The following LRRC4C variants were observed in gnomAD, a reference collection of about 807,000 sequenced individuals.
LRRC4C encodes the protein leucine rich repeat containing 4C, also known as leucine-rich repeat-containing protein 4C.
Under a neutral mutation model 33.6 loss-of-function variants are expected in LRRC4C, and 5 were observed. The observed-to-expected ratio is 0.15, with a 90% CI of 0.08 to 0.31. The LOEUF is 0.31. Ranked by LOEUF, LRRC4C falls within the 10% of genes least tolerant of loss-of-function variation. The pLI is 1.00. For missense variants in LRRC4C, 560 were observed against 796.7 expected (o/e 0.70, Z 3.58); for synonymous variants, 329 against 302.0 (o/e 1.09, Z -0.93).
chr11:41,258,076 G>A (rs1948860299), intron 1 of LRRC4C, among the ~76,000 whole-genome samples: 1 of 151,880 alleles, frequency 6.6e-6, no homozygotes, highest in South Asian at 2.1e-4. Flanking sequence ...GACTGAATGA[G>A]TCAGTATACA....
chr11:41,299,887 C>G (rs573818047), intron 1 of LRRC4C, among the ~76,000 whole-genome samples: 32 of 152,002 alleles, frequency 2.1e-4, no homozygotes, highest in African/African-American at 7.7e-4. Context: ...TTTACTGGAC[C>G]AAAATAAACA....
chr11:40,541,922 C>A (rs1211199947), intron 3 of LRRC4C, among the ~76,000 whole-genome samples: 1 of 152,126 alleles, frequency 6.6e-6, no homozygotes, highest in African/African-American at 2.4e-5. Context: ...AAACCTAAAT[C>A]TTCTGCCCAG....
intron 1 of LRRC4C, among the ~76,000 whole-genome samples, chr11:40,960,791 G>A (rs1483980158): frequency 6.6e-6 from 1 of 151,710 alleles, no homozygotes; most frequent in Non-Finnish European, 1.5e-5. Flanking sequence ...AGAAAGAGAA[G>A]GGGAGTTTGC....
At chr11:40,218,618 G>GATCTATCTATCTATCTATC (rs1554977102) in intron 5 of LRRC4C, among the ~76,000 whole-genome samples, 28 of 141,886 alleles carry the variant, frequency 2.0e-4, no homozygotes, top group Admixed American at 2.8e-4. Flanking sequence ...ATGTATGTAT[G>GATCTATCTATCTATCTATC]TATGTATGTA....
At chr11:41,006,851 A>G (rs1854789926) in intron 1 of LRRC4C, among the ~76,000 whole-genome samples, 1 of 152,162 alleles carries the variant, frequency 6.6e-6, no homozygotes, top group Non-Finnish European at 1.5e-5. Flanking sequence ...ACAGTATTTA[A>G]CATCCAGAAT....
chr11:40,719,478 T>A (rs1946900334), intron 2 of LRRC4C, among the ~76,000 whole-genome samples: 1 of 152,056 alleles, frequency 6.6e-6, no homozygotes, highest in Non-Finnish European at 1.5e-5. Flanking sequence ...CTAATGACTT[T>A]AATGTGAGGT....
At chr11:40,358,399 G>A (rs1947781511) in intron 3 of LRRC4C, among the ~76,000 whole-genome samples, 1 of 151,940 alleles carries the variant, frequency 6.6e-6, no homozygotes, top group Non-Finnish European at 1.5e-5. Context: ...TCTCACCTCA[G>A]CCTCCTGAGT....
intron 3 of LRRC4C, among the ~76,000 whole-genome samples, chr11:40,412,543 T>G (rs952379518): frequency 1.4e-4 from 21 of 152,148 alleles, no homozygotes; most frequent in African/African-American, 5.1e-4. Flanking sequence ...CTCTTTTTCA[T>G]TTTTCACCTC....
intron 3 of LRRC4C, among the ~76,000 whole-genome samples, chr11:40,533,491 T>C (rs544128054): frequency 1.3e-5 from 2 of 152,242 alleles, no homozygotes; most frequent in African/African-American, 2.4e-5. Flanking sequence ...TGGGGGAGAA[T>C]TGACCTCAAA....
At chr11:40,798,362 C>T (rs539403777) in intron 2 of LRRC4C, among the ~76,000 whole-genome samples, 1 of 152,156 alleles carries the variant, frequency 6.6e-6, no homozygotes, top group South Asian at 2.1e-4. Context: ...ATTTTTTATA[C>T]ACAGGCAATT....
chr11:40,518,394 G>A (rs538626285), intron 3 of LRRC4C, among the ~76,000 whole-genome samples: 1 of 152,010 alleles, frequency 6.6e-6, no homozygotes. Flanking sequence ...AATCTACAAA[G>A]AAGTTAAACA....
intron 3 of LRRC4C, among the ~76,000 whole-genome samples, chr11:40,451,184 G>A (rs7118356): frequency 0.39 from 58,518 of 150,818 alleles, 11,687 homozygotes; most frequent in East Asian, 0.52. Context: ...GAGCAAAAGT[G>A]GATAAGTAGA....
intron 1 of LRRC4C, among the ~76,000 whole-genome samples, chr11:41,111,393 T>A (rs909412892): frequency 1.8e-4 from 27 of 152,052 alleles, no homozygotes; most frequent in Non-Finnish European, 4.0e-4. Context: ...AGAATCAATC[T>A]TATTTTCTGT....
intron 3 of LRRC4C, among the ~76,000 whole-genome samples, chr11:40,369,201 A>C (rs1362560963): frequency 6.6e-6 from 1 of 152,192 alleles, no homozygotes. Flanking sequence ...CCAAATGAGA[A>C]TTATATGAGA....
chr11:40,261,270 A>G (rs1050523044), intron 4 of LRRC4C, among the ~76,000 whole-genome samples: 1 of 152,212 alleles, frequency 6.6e-6, no homozygotes, highest in African/African-American at 2.4e-5. Context: ...GTTGATTTGA[A>G]AAAGAAAGAA....
At chr11:41,001,612 T>TA (rs11318314) in intron 1 of LRRC4C, among the ~76,000 whole-genome samples, 82 of 150,638 alleles carry the variant, frequency 5.4e-4, no homozygotes, top group African/African-American at 9.2e-4. Flanking sequence ...TCTACATAAT[T>TA]AAAAAAAAAA....
At chr11:41,284,228 C>G (rs570910039) in intron 1 of LRRC4C, among the ~76,000 whole-genome samples, 2 of 152,238 alleles carry the variant, frequency 1.3e-5, no homozygotes, top group African/African-American at 4.8e-5. Flanking sequence ...CTATATATTG[C>G]TAAAACAATC....
chr11:41,140,823 G>A (rs1943470941), intron 1 of LRRC4C, among the ~76,000 whole-genome samples: 1 of 139,828 alleles, frequency 7.2e-6, no homozygotes, highest in Non-Finnish European at 1.6e-5. Context: ...TATCTTGAGT[G>A]AAGTCTCTTT....
chr11:40,556,543 G>A (rs1299050645), intron 3 of LRRC4C, among the ~76,000 whole-genome samples: 2 of 152,122 alleles, frequency 1.3e-5, no homozygotes, highest in Non-Finnish European at 2.9e-5. Flanking sequence ...ATCTCAATAG[G>A]CTCTGCAGTC....
Sources: gnomAD v4.1 joint callset for allele counts (sites outside exome capture counted in the v4.1 genomes callset) on GRCh38, gnomAD v4.1.1 for gene constraint, MANE v1.5 for transcripts, NCBI Gene and HGNC (gene_info 2026-07-23, HGNC 2026-07-21) for gene names.